Variants in SDK2 observed in about 807,000 individuals in gnomAD.
SDK2 encodes the protein sidekick cell adhesion molecule 2, also known as protein sidekick-2.
Under a neutral mutation model 253.9 loss-of-function variants are expected in SDK2, and 105 were observed. The ratio of observed to expected loss-of-function variants is 0.41; its 90% CI spans 0.35 to 0.49. The LOEUF (loss-of-function observed/expected upper bound fraction) is 0.49. SDK2 is among the 20% of genes least tolerant of loss of function. SDK2 has a pLI of 0.06. For synonymous variants in SDK2, 1,249 were observed against 1,234.9 expected (o/e 1.01, Z -0.24); for missense variants, 2,608 against 3,003.0 (o/e 0.87, Z 3.07).
intron 1 of SDK2, among the ~76,000 whole-genome samples, chr17:73,552,850 C>T (rs897351431): frequency 6.6e-6 from 1 of 152,250 alleles, no homozygotes; most frequent in African/African-American, 2.4e-5. Flanking sequence ...GCACTCTAAG[C>T]CCTCTCCTTG....
At chr17:73,405,285 C>G (rs1039147651) in intron 18 of SDK2, among the ~76,000 whole-genome samples, 1 of 125,596 alleles carries the variant, frequency 8.0e-6, no homozygotes, top group Non-Finnish European at 1.7e-5. Flanking sequence ...ACTAAAAATA[C>G]AAAAATTAGC....
At chr17:73,433,679 G>T in intron 10 of SDK2, 53 bp downstream of exon 10, 3 of 1,364,348 alleles carry the variant, frequency 2.2e-6, no homozygotes, top group Non-Finnish European at 2.0e-6. Flanking sequence ...TAGTTCTGAA[G>T]ACTCTTCTAG....
At position 73,472,223 on chromosome 17, in the gene SDK2, G is replaced by A. The variant is rs774265810; in HGVS notation, c.225-5C>T. ...TCCAGGCTGGTGATCATGTATCTAT[G>A]GGACAGACGAGACAGCCAGTGAGCA... On this transcript the variant is annotated splice_region_variant and splice_polypyrimidine_tract_variant and intron_variant, in intron 2 of 44. Coordinates refer to ENST00000392650, the MANE Select transcript of SDK2 (RefSeq NM_001144952.2). The A allele has an allele frequency of 1.5e-5, 24 of 1,549,322 alleles. 1 individual carries two copies. Among genetic ancestry groups the A allele is most frequent in the Middle Eastern group, 1.7e-4 (1 of 6,010 alleles).
At chr17:73,450,421 C>T (rs751480424) in intron 4 of SDK2, among the ~76,000 whole-genome samples, 8 of 152,212 alleles carry the variant, frequency 5.3e-5, no homozygotes, top group Non-Finnish European at 8.8e-5. Context: ...CGGGACATGG[C>T]CAGCTTCAGG....
chr17:73,452,403 AC>A (rs1011848655), intron 4 of SDK2, among the ~76,000 whole-genome samples: 2 of 151,418 alleles, frequency 1.3e-5, no homozygotes, highest in Non-Finnish European at 2.9e-5. Context: ...CCAGGATAAA[AC>A]CCCCAGAGTG....
chr17:73,631,736 C>A (rs561435808), intron 1 of SDK2, among the ~76,000 whole-genome samples: 134 of 152,296 alleles, frequency 8.8e-4, no homozygotes, highest in Non-Finnish European at 1.7e-3. Flanking sequence ...GTATGGGGCA[C>A]CAGCCACACA....
At chr17:73,473,486 C>G (rs1270711890) in intron 2 of SDK2, among the ~76,000 whole-genome samples, 1 of 152,166 alleles carries the variant, frequency 6.6e-6, no homozygotes, top group Non-Finnish European at 1.5e-5. Flanking sequence ...CCCAGCAGAC[C>G]TGGTGGACAA....
chr17:73,641,232 C>T (rs1410321290), intron 1 of SDK2: 1 of 152,198 alleles, frequency 6.6e-6, no homozygotes, highest in Non-Finnish European at 1.5e-5. Flanking sequence ...TAATAATTGC[C>T]ATGTATTAAG....
At chr17:73,382,600 C>T (rs138985004) in intron 33 of SDK2, among the ~76,000 whole-genome samples, 19 of 152,376 alleles carry the variant, frequency 1.2e-4, no homozygotes, top group African/African-American at 3.6e-4. Flanking sequence ...TCGGTTGCAC[C>T]ACTTTGCAGC....
intron 43 of SDK2, among the ~76,000 whole-genome samples, chr17:73,349,502 A>AG (rs2062515896): frequency 6.6e-6 from 1 of 152,176 alleles, no homozygotes; most frequent in Admixed American, 6.5e-5. Context: ...GCCACACATC[A>AG]GGGGAGGGTC....
chr17:73,499,939 T>G (rs1342912529), intron 2 of SDK2, among the ~76,000 whole-genome samples: 1 of 151,832 alleles, frequency 6.6e-6, no homozygotes, highest in South Asian at 2.1e-4. Flanking sequence ...CATCTTTTCT[T>G]TTTTCTTCTA....
rs756085035 is a variant in SDK2 at position 73,350,306 on chromosome 17, G to A, written c.5969C>T (p.Ala1990Val). The A allele has an allele frequency of 6.2e-7, 1 of 1,613,344 alleles. No homozygotes were observed. The highest frequency in any genetic ancestry group is 1.1e-5 in the South Asian group (1 of 90,864). Residue 1990 changes from alanine to valine, a missense_variant, in exon 43 of 45, where the codon GCC becomes GTC. Coordinates refer to ENST00000392650, the MANE Select transcript of SDK2 (RefSeq NM_001144952.2). ...GAGCCGCCTGTTGTTGAGTTCCAGGGCAGGGAAGCTGCTTTCATCCAAGCT... is the reference window on the plus strand; with the variant it reads ...GAGCCGCCTGTTGTTGAGTTCCAGGACAGGGAAGCTGCTTTCATCCAAGCT... ...MMSLDESSFP[A>V]LELNNRRLSV...
chr17:73,571,061 G>A (rs889675367), intron 1 of SDK2, among the ~76,000 whole-genome samples: 7 of 142,746 alleles, frequency 4.9e-5, no homozygotes, highest in African/African-American at 1.5e-4. Context: ...GCTGCAGGAG[G>A]TGGCTCGGGT....
rs931977199 is a variant in SDK2 at position 73,465,362 on chromosome 17, C to T, written c.331+6750G>A. Among the ~76,000 whole-genome samples the T allele has an allele frequency of 3.3e-5, 5 of 152,068 alleles. No individual in the cohort carries two copies. Among genetic ancestry groups the T allele is most frequent in the Non-Finnish European group, 2.9e-5 (2 of 68,028 alleles). On this transcript the variant is annotated intron_variant, in intron 3 of 44. Transcript: ENST00000392650. The surrounding 1 kb of genome is among the most constrained non-coding windows in gnomAD (Gnocchi z 4.2). ...TGGATGGTTTCAAGTCTGAGTCCCACAGATGAGGGCTGGGGGAAGGGGTCA... is the reference window on the plus strand; with the variant it reads ...TGGATGGTTTCAAGTCTGAGTCCCATAGATGAGGGCTGGGGGAAGGGGTCA...
chr17:73,607,014 G>A (rs548174295), intron 1 of SDK2, among the ~76,000 whole-genome samples: 1 of 152,314 alleles, frequency 6.6e-6, no homozygotes, highest in South Asian at 2.1e-4. Context: ...GCTAGACCAT[G>A]AGGCTGGACA....
intron 18 of SDK2, among the ~76,000 whole-genome samples, chr17:73,405,853 G>A (rs2063073203): frequency 6.6e-6 from 1 of 151,390 alleles, no homozygotes; most frequent in South Asian, 2.1e-4. Context: ...CCGAGTTGCT[G>A]GGACTACAGG....
chr17:73,339,569 T>C (rs1223091849), intron 44 of SDK2, among the ~76,000 whole-genome samples: 1 of 151,322 alleles, frequency 6.6e-6, no homozygotes, highest in African/African-American at 2.4e-5. Context: ...GGGCGGGGAG[T>C]GGAAGGGGCA....
At chr17:73,403,176 C>T (rs2063043140) in intron 18 of SDK2, among the ~76,000 whole-genome samples, 1 of 152,182 alleles carries the variant, frequency 6.6e-6, no homozygotes, top group African/African-American at 2.4e-5. Flanking sequence ...TTCTGGGATT[C>T]CAAGCCCTGA....
At chr17:73,615,797 C>T (rs921086962) in intron 1 of SDK2, among the ~76,000 whole-genome samples, 6 of 152,284 alleles carry the variant, frequency 3.9e-5, no homozygotes, top group East Asian at 1.9e-4. Flanking sequence ...AGTATACATG[C>T]GCACAAATAT....
Sources: gnomAD v4.1 joint callset for allele counts (sites outside exome capture counted in the v4.1 genomes callset) on GRCh38, gnomAD v4.1.1 for gene constraint, Gnocchi (gnomAD v3.1) non-coding constraint, MANE v1.5 for transcripts, NCBI Gene and HGNC (gene_info 2026-07-23, HGNC 2026-07-21) for gene names.